The following SIRT5 variants were observed in gnomAD, a reference collection of about 807,000 sequenced individuals.
SIRT5 encodes the protein sirtuin 5, also known as NAD-dependent protein deacylase sirtuin-5, mitochondrial.
Under a neutral mutation model 40.0 loss-of-function variants are expected in SIRT5, and 26 were observed. The ratio of observed to expected loss-of-function variants is 0.65; its 90% CI spans 0.48 to 0.90. SIRT5 has a LOEUF of 0.90. SIRT5 is among the 40% of genes least tolerant of loss of function. SIRT5 has a pLI of 0.00. For synonymous variants in SIRT5, 146 were observed against 149.1 expected (o/e 0.98, Z 0.15); for missense variants, 401 against 402.4 (o/e 1.00, Z 0.03).
chr6:13,601,638 C>A (rs775673125), intron 9 of SIRT5, among the ~76,000 whole-genome samples: 24 of 151,966 alleles, frequency 1.6e-4, no homozygotes, highest in Non-Finnish European at 2.8e-4. Flanking sequence ...CTTCATTGAA[C>A]CATCTTGTCA....
At chr6:13,592,036 G>A (rs1760984362) in intron 5 of SIRT5, 142 bp downstream of exon 5, 1 of 848,268 alleles carries the variant, frequency 1.2e-6, no homozygotes, top group Non-Finnish European at 1.8e-6. Flanking sequence ...TTCCTTTGGG[G>A]ACATGTTAGT....
In SIRT5 at chr6:13,595,002, C is replaced by A. The variant is rs1356725370; in HGVS notation, c.476-475C>A. ...TTGTCAGTCATGTCAATAAATCACG[C>A]CCTTAGATTTAGGTTGAGCTCCCTC... On this transcript the variant is annotated intron_variant, in intron 5 of 9. Transcript: ENST00000606117. Among the ~76,000 whole-genome samples the A allele has an allele frequency of 2.0e-5, 3 of 152,308 alleles. No individual in the cohort carries two copies. The South Asian group carries it at 6.2e-4, about 32-fold the overall frequency.
At chr6:13,594,285 A>G (rs1488969497) in intron 5 of SIRT5, among the ~76,000 whole-genome samples, 2 of 152,234 alleles carry the variant, frequency 1.3e-5, no homozygotes, top group African/African-American at 4.8e-5. Flanking sequence ...TGTAGGACAC[A>G]TCTGAATTTC....
At position 13,594,897 on chromosome 6, in the gene SIRT5, G is replaced by A. The variant is rs77342491; in HGVS notation, c.476-580G>A. On this transcript the variant is annotated intron_variant, in intron 5 of 9. Coordinates refer to ENST00000606117, the MANE Select transcript of SIRT5 (RefSeq NM_012241.5). The stretch of plus-strand genomic sequence containing the variant: ...CTTATTAGTTGATTACTTATTTATT[G>A]AGGTGCTTTTGTATAAAAGATTCAA... 8.4e-3 allele frequency among the ~76,000 whole-genome samples: 1,274 copies of A among 152,244 alleles called. 10 individuals are homozygous for A. Among genetic ancestry groups the A allele is most frequent in the African/African-American group, 0.029 (1,196 of 41,528 alleles).
chr6:13,594,117 C>G (rs1218657708), intron 5 of SIRT5, among the ~76,000 whole-genome samples: 1 of 152,132 alleles, frequency 6.6e-6, no homozygotes, highest in Non-Finnish European at 1.5e-5. Context: ...CCTGAAGTGG[C>G]CCTTGAAGGG....
intron 5 of SIRT5, among the ~76,000 whole-genome samples, chr6:13,594,936 G>A (rs187222076): frequency 6.6e-6 from 1 of 152,132 alleles, no homozygotes; most frequent in Non-Finnish European, 1.5e-5. Flanking sequence ...TTCTGAAATC[G>A]AAGTTAAAAT....
At chr6:13,603,233 C>T (rs1161983297) in intron 9 of SIRT5, among the ~76,000 whole-genome samples, 5 of 146,808 alleles carry the variant, frequency 3.4e-5, no homozygotes, top group South Asian at 2.1e-4. Flanking sequence ...GCCGAGATCG[C>T]GCCACTGCAC....
chr6:13,595,827 CAAAA>C (rs1055635390), intron 6 of SIRT5, among the ~76,000 whole-genome samples: 10 of 151,898 alleles, frequency 6.6e-5, no homozygotes, highest in African/African-American at 2.4e-4. Flanking sequence ...CAAAACAAAA[CAAAA>C]AACCACAAAA....
chr6:13,578,748 T>C (rs1466929945), intron 1 of SIRT5, among the ~76,000 whole-genome samples: 4 of 152,028 alleles, frequency 2.6e-5, no homozygotes, highest in Non-Finnish European at 5.9e-5. Flanking sequence ...ATTTCTGATA[T>C]AATCTTTCAC....
intron 5 of SIRT5, among the ~76,000 whole-genome samples, chr6:13,593,648 G>A (rs574531638): frequency 6.6e-5 from 10 of 152,296 alleles, no homozygotes; most frequent in East Asian, 1.9e-4. Flanking sequence ...TCAGTCTGAT[G>A]AAGGGTTTTT....
intron 9 of SIRT5, among the ~76,000 whole-genome samples, chr6:13,606,067 A>ATGTCT (rs1352061553): frequency 6.6e-6 from 1 of 152,272 alleles, no homozygotes; most frequent in East Asian, 1.9e-4. Flanking sequence ...TGAGGCAGAC[A>ATGTCT]GGTAAGCAGT....
chr6:13,586,760 G>A (rs570122801), intron 3 of SIRT5, among the ~76,000 whole-genome samples: 1 of 152,146 alleles, frequency 6.6e-6, no homozygotes, highest in Non-Finnish European at 1.5e-5. Flanking sequence ...TCTATCCTAG[G>A]CTGGGCATAG....
intron 9 of SIRT5, chr6:13,604,367 CTGTT>C: frequency 2.6e-6 from 2 of 780,298 alleles, no homozygotes; most frequent in Non-Finnish European, 2.2e-6. Flanking sequence ...AGCCTCCTGT[CTGTT>C]TGAAAGACCA....
rs192667492 is a variant in SIRT5 at position 13,582,581 on chromosome 6, G to A, written c.-35-1495G>A. Among the ~76,000 whole-genome samples the A allele has an allele frequency of 5.8e-5, 8 of 137,504 alleles. No homozygotes were observed. The East Asian group carries it at 1.6e-3, about 28-fold the overall frequency. 90.2% of individuals were successfully genotyped at this position (137,504 alleles called of 152,430 possible). On this transcript the variant is annotated intron_variant, in intron 2 of 9. Transcript: ENST00000606117. The stretch of plus-strand genomic sequence containing the variant: ...CAGTCATGTAACTACTACCACAATC[G>A]AGATATATAACAATACCATTGCCTC...
intron 3 of SIRT5, among the ~76,000 whole-genome samples, chr6:13,587,913 C>G (rs547578595): frequency 6.6e-5 from 10 of 152,296 alleles, no homozygotes; most frequent in South Asian, 2.1e-4. Context: ...ACTCAGCACT[C>G]ACACAAACAT....
At chr6:13,609,013 G>A (rs1211280938) in intron 9 of SIRT5, among the ~76,000 whole-genome samples, 1 of 152,042 alleles carries the variant, frequency 6.6e-6, no homozygotes, top group Non-Finnish European at 1.5e-5. Context: ...GTAGAGACAG[G>A]GTTTCACCAT....
At chr6:13,582,066 C>T (rs886327714) in intron 2 of SIRT5, among the ~76,000 whole-genome samples, 4 of 152,144 alleles carry the variant, frequency 2.6e-5, no homozygotes, top group South Asian at 2.1e-4. Flanking sequence ...CAGTCCATTC[C>T]AGGTTCCTAA....
At chr6:13,584,009 A>C (rs528262167) in intron 2 of SIRT5, 67 bp from the exon 3 acceptor site, 1 of 654,078 alleles carries the variant, frequency 1.5e-6, no homozygotes, top group East Asian at 2.9e-5. Context: ...ATATTTATAC[A>C]TATTTCCATA....
At chr6:13,605,180 C>A (rs202018208) in intron 9 of SIRT5, 32 of 985,312 alleles carry the variant, frequency 3.2e-5, no homozygotes, top group Admixed American at 6.1e-5. Flanking sequence ...CAGGGGTCAG[C>A]AAACTACTGC....
Sources: allele counts gnomAD v4.1 joint callset (sites outside exome capture counted in the v4.1 genomes callset), GRCh38; gene constraint gnomAD v4.1.1; transcripts MANE v1.5; gene names NCBI Gene and HGNC (gene_info 2026-07-23, HGNC 2026-07-21).